Variants in TRMT44 observed in about 807,000 individuals in gnomAD.
The protein encoded by TRMT44 is probable tRNA (uracil-O(2)-)-methyltransferase.
TRMT44 carries 78 observed loss-of-function variants against 77.3 expected under a neutral mutation model. The ratio of observed to expected loss-of-function variants is 1.01; its 90% CI spans 0.84 to 1.22. The LOEUF (loss-of-function observed/expected upper bound fraction) is 1.22. TRMT44 is among the 50% of genes most tolerant of loss of function. TRMT44 has a pLI of 0.00. For missense variants in TRMT44, 1,090 were observed against 964.4 expected (o/e 1.13, Z -1.73); for synonymous variants, 391 against 383.3 (o/e 1.02, Z -0.23).
chr4:8,499,303 G>T, the TRMT44 span, among the ~76,000 whole-genome samples: 39,558 of 151,920 alleles, frequency 0.26, 5,882 homozygotes, highest in Admixed American at 0.38. Flanking sequence ...CCTGGGCCGT[G>T]TCTCTAAAGG....
intron 2 of TRMT44, among the ~76,000 whole-genome samples, chr4:8,492,470 C>G (rs538206649): frequency 6.6e-6 from 1 of 152,312 alleles, no homozygotes; most frequent in South Asian, 2.1e-4. Context: ...CCAAGCTGTC[C>G]TTGTTCATCC....
Position 8,461,010 on chromosome 4 carries a change from A to T in TRMT44, c.1204-2975A>T, listed in dbSNP as rs1189012664. On this transcript the variant is annotated intron_variant, in intron 6 of 10. Transcript: ENST00000389737. The surrounding 1 kb of genome is among the most constrained non-coding windows in gnomAD (Gnocchi z 4.6). ...CCGCAGGTGCACACCACCATGCCTG[A>T]CTAATTTTGTGTTTGTTTTTTGTTG... 2.0e-5 allele frequency among the ~76,000 whole-genome samples: 3 copies of T among 151,850 alleles called. No homozygotes were observed. The highest frequency in any genetic ancestry group is 7.3e-5 in the African/African-American group (3 of 41,320).
At chr4:8,486,792 G>T (rs1727820911) in intron 2 of TRMT44, among the ~76,000 whole-genome samples, 1 of 152,200 alleles carries the variant, frequency 6.6e-6, no homozygotes, top group Non-Finnish European at 1.5e-5. Context: ...CTCACGGAAT[G>T]AAACTGTAAA....
At chr4:8,488,363 C>T (rs13147943) in intron 2 of TRMT44, among the ~76,000 whole-genome samples, 16,314 of 151,934 alleles carry the variant, frequency 0.11, 860 homozygotes, top group Middle Eastern at 0.13. Flanking sequence ...AAAGAGTCAG[C>T]GAAGGGAGAT....
At chr4:8,491,880 G>T (rs963489251) in intron 2 of TRMT44, among the ~76,000 whole-genome samples, 1 of 152,230 alleles carries the variant, frequency 6.6e-6, no homozygotes. Context: ...GGGCTGAAGG[G>T]CTCCTCAAGT....
chr4:8,470,310 G>A (rs939099172), intron 9 of TRMT44, among the ~76,000 whole-genome samples: 16 of 152,190 alleles, frequency 1.1e-4, no homozygotes, highest in African/African-American at 3.4e-4. Context: ...GTCCTGATCC[G>A]TAGGGGTCTG....
downstream of TRMT44, among the ~76,000 whole-genome samples, chr4:8,480,658 G>A (rs566608289): frequency 5.9e-5 from 9 of 152,242 alleles, 1 homozygote; most frequent in South Asian, 1.5e-3. Flanking sequence ...TGGCGCCTGC[G>A]ACCAATGATC....
rs748342960 is a variant in TRMT44, at chr4:8,454,692, A to G, written c.1132-50A>G. The stretch of plus-strand genomic sequence containing the variant: ...AACTTTAATGTGTTCTTGCTAACTT[A>G]TTATGAAGTACTAAGGTTAACCTTT... On this transcript the variant is annotated intron_variant, in intron 5 of 10. Coordinates refer to ENST00000389737, the MANE Select transcript of TRMT44 (RefSeq NM_152544.3). 7.7e-6 allele frequency: 12 copies of G among 1,566,758 alleles called. No homozygotes were observed. In the South Asian group the frequency reaches 1.3e-4, roughly 17 times the overall value.
intron 1 of TRMT44, among the ~76,000 whole-genome samples, chr4:8,443,800 A>G (rs1010402339): frequency 6.6e-6 from 1 of 152,152 alleles, no homozygotes; most frequent in Non-Finnish European, 1.5e-5. Flanking sequence ...CTCTACTAAA[A>G]ATACAAAAAA....
rs555012061 is a variant in TRMT44 at position 8,452,483 on chromosome 4, C to A, written c.1024-399C>A. Among the ~76,000 whole-genome samples the A allele has an allele frequency of 2.6e-5, 4 of 152,324 alleles. No individual in the cohort carries two copies. The South Asian group carries it at 8.3e-4, about 32-fold the overall frequency. The stretch of plus-strand genomic sequence containing the variant: ...GTTTGGTGGCTCAAGCCTGTAATTC[C>A]CAGCACTTCGGGAGGCCGAGGCGGG... On this transcript the variant is annotated intron_variant, in intron 4 of 10. Coordinates refer to ENST00000389737, the MANE Select transcript of TRMT44 (RefSeq NM_152544.3). The surrounding 1 kb of genome is among the most constrained non-coding windows in gnomAD (Gnocchi z 5.7).
chr4:8,460,714 G>A (rs950651467), intron 6 of TRMT44, among the ~76,000 whole-genome samples: 15 of 151,898 alleles, frequency 9.9e-5, no homozygotes, highest in Non-Finnish European at 1.8e-4. Flanking sequence ...CCACCACTAC[G>A]CCTGACTAAT....
downstream of TRMT44, among the ~76,000 whole-genome samples, chr4:8,493,956 C>G (rs992209424): frequency 2.0e-5 from 3 of 149,322 alleles, no homozygotes; most frequent in Admixed American, 6.8e-5. Flanking sequence ...GCAACATTAG[C>G]TGTGGATCTC....
intron 10 of TRMT44, among the ~76,000 whole-genome samples, chr4:8,475,117 T>C (rs376883088): frequency 6.6e-6 from 1 of 152,200 alleles, no homozygotes; most frequent in Non-Finnish European, 1.5e-5. Flanking sequence ...GGGAGGCGCA[T>C]GTAAACCCAG....
chr4:8,457,812 T>G (rs1208055495), intron 6 of TRMT44, among the ~76,000 whole-genome samples: 2 of 151,764 alleles, frequency 1.3e-5, no homozygotes, highest in Non-Finnish European at 2.9e-5. Context: ...AGGTGGGCGA[T>G]GAAGGGTGGA....
rs1226524622 is a variant in TRMT44, at chr4:8,451,784, T to C, written c.955-176T>C. The stretch of plus-strand genomic sequence containing the variant: ...TTGTTCTTGGCATGCCTTGTTTCTT[T>C]ATGTAAATCTTTTATTGTAAGAAAC... On this transcript the variant is annotated intron_variant, in intron 3 of 10. Coordinates refer to ENST00000389737, the MANE Select transcript of TRMT44 (RefSeq NM_152544.3). The surrounding 1 kb of genome is among the most constrained non-coding windows in gnomAD (Gnocchi z 4.1). Among the ~76,000 whole-genome samples the C allele has an allele frequency of 6.6e-6, 1 of 152,252 alleles. No homozygotes were observed. The highest frequency in any genetic ancestry group is 1.5e-5 in the Non-Finnish European group (1 of 68,046).
In TRMT44 at chr4:8,475,958, A is replaced by C. The variant is rs147700349; in HGVS notation, c.2231A>C (p.Glu744Ala). The C allele has an allele frequency of 3.6e-5, 58 of 1,613,892 alleles. 1 individual carries two copies. Among genetic ancestry groups the C allele is most frequent in the Admixed American group, 1.7e-5 (1 of 59,996 alleles). ...DCCPFAHGPA[E>A]LRPPRTTPRK... ...TGCCCGTTTGCCCATGGGCCTGCGGAGCTGCGGCCACCCCGGACCACCCCG... is the reference window on the plus strand; with the variant it reads ...TGCCCGTTTGCCCATGGGCCTGCGGCGCTGCGGCCACCCCGGACCACCCCG... Residue 744 changes from glutamate (E) to alanine (A), a missense_variant, in exon 11 of 11, where the codon GAG (glutamate) becomes GCG (alanine). By Grantham distance (107) the Glu-to-Ala change is moderately radical. Coordinates refer to ENST00000389737, the MANE Select transcript of TRMT44 (RefSeq NM_152544.3).
chr4:8,442,777 G>C (rs1219339161), intron 1 of TRMT44, among the ~76,000 whole-genome samples: 3 of 152,166 alleles, frequency 2.0e-5, no homozygotes, highest in Non-Finnish European at 2.9e-5. Context: ...ACATCTCAGA[G>C]CCAGCAATGG....
chr4:8,464,160 A>G, intron 7 of TRMT44, 69 bp downstream of exon 7: 1 of 1,298,060 alleles, frequency 7.7e-7, no homozygotes, highest in South Asian at 1.3e-5. Context: ...TGGTGTCCAA[A>G]AGGGTAGCCA....
At position 8,441,050 on chromosome 4, in the gene TRMT44, G is replaced by T. The variant is rs1724638669; in HGVS notation, c.228G>T (p.Gln76His). Residue 76 changes from glutamine (Q) to histidine (H), a missense_variant, in exon 1 of 11, where the codon CAG (glutamine) becomes CAT (histidine). Coordinates refer to ENST00000389737, the MANE Select transcript of TRMT44 (RefSeq NM_152544.3). ...AGGAGCGGGGTCCGGGACCCGGCCAGGGTTCCCCCGGAGGGGGCCCGGGTC... is the reference window on the plus strand; with the variant it reads ...AGGAGCGGGGTCCGGGACCCGGCCATGGTTCCCCCGGAGGGGGCCCGGGTC... ...EQKERGPGPG[Q>H]GSPGGGPGPR... 3 of 1,487,098 alleles carry T rather than the reference G, an allele frequency of 2.0e-6. No homozygotes were observed. The highest frequency in any genetic ancestry group is 1.3e-5 in the South Asian group (1 of 76,008). The allele number at this position is 1,487,098 out of a possible 1,614,324, so 92.1% of individuals were successfully genotyped here.
Sources: allele counts gnomAD v4.1 joint callset (sites outside exome capture counted in the v4.1 genomes callset), GRCh38; gene constraint gnomAD v4.1.1; non-coding constraint Gnocchi (gnomAD v3.1); transcripts MANE v1.5; gene names NCBI Gene and HGNC (gene_info 2026-07-23, HGNC 2026-07-21).